The following DNAH11 variants were observed in gnomAD, a reference collection of about 807,000 sequenced individuals.
The protein encoded by DNAH11 is axonemal beta dynein heavy chain 11.
Under a neutral mutation model 526.0 loss-of-function variants are expected in DNAH11, and 442 were observed. The observed-to-expected ratio is 0.84, with a 90% CI of 0.78 to 0.91. The LOEUF is 0.91. Among genes scored for constraint, DNAH11 ranks in the 40% least tolerant of loss-of-function variants. The pLI is 0.00. For missense variants in DNAH11, 6,989 were observed against 5,448.7 expected (o/e 1.28, Z -8.90); for synonymous variants, 2,461 against 1,935.9 (o/e 1.27, Z -7.12).
chr7:21,885,169 T>TGTAAAAAAAA lies in DNAH11; in HGVS notation c.12507+759_12507+760insGTAAAAAAAA, dbSNP rs367811733. Among the ~76,000 whole-genome samples the TGTAAAAAAAA allele has an allele frequency of 3.0e-3, 265 of 89,378 alleles. 58 individuals are homozygous for TGTAAAAAAAA. The Middle Eastern group carries it at 0.053, about 18-fold the overall frequency. 58.6% of individuals were successfully genotyped at this position (89,378 alleles called of 152,430 possible). On this transcript the variant is annotated intron_variant, in intron 76 of 81. Coordinates refer to ENST00000409508, the MANE Select transcript of DNAH11 (RefSeq NM_001277115.2). ...TATTTGGATCTTGTTCCAAATGAAC[T>TGTAAAAAAAA]ATAAAAAAAAAAAAAAAAACACACA... is the stretch of plus-strand genomic sequence containing the variant.
At chr7:21,836,061 A>G (rs1353630238) in intron 65 of DNAH11, among the ~76,000 whole-genome samples, 1 of 152,134 alleles carries the variant, frequency 6.6e-6, no homozygotes, top group Non-Finnish European at 1.5e-5. Context: ...AAAAATCCTT[A>G]CAAAGAAAAC....
In DNAH11 at chr7:21,616,304, A is replaced by G; in HGVS notation, c.4095+12A>G. The G allele has an allele frequency of 6.2e-7, 1 of 1,604,426 alleles. No homozygotes were observed. Among genetic ancestry groups the G allele is most frequent in the East Asian group, 2.2e-5 (1 of 44,756 alleles). Reference sequence around the variant, plus strand: ...GAAGGTTTGCCAAGGCGAGTTCCATAACTGTCTATTACAACAATTTATCTT... The same window carrying G: ...GAAGGTTTGCCAAGGCGAGTTCCATGACTGTCTATTACAACAATTTATCTT... On this transcript the variant is annotated intron_variant, in intron 22 of 81. Coordinates refer to ENST00000409508, the MANE Select transcript of DNAH11 (RefSeq NM_001277115.2).
At chr7:21,808,131 G>A (rs999277360) in intron 63 of DNAH11, 82 bp downstream of exon 63, 9 of 1,156,828 alleles carry the variant, frequency 7.8e-6, no homozygotes, top group South Asian at 3.5e-5. Context: ...TATGCCAGGC[G>A]CTTTTGGACG....
intron 36 of DNAH11, among the ~76,000 whole-genome samples, chr7:21,701,506 TCTGGAACTCCTGGG>T (rs1191042522): frequency 6.6e-6 from 1 of 152,096 alleles, no homozygotes; most frequent in Non-Finnish European, 1.5e-5. Context: ...CCCAGGCTGG[TCTGGAACTCCTGGG>T]CTGAAGCAAT....
chr7:21,701,227 A>G (rs988184197), intron 36 of DNAH11, among the ~76,000 whole-genome samples: 2 of 151,390 alleles, frequency 1.3e-5, no homozygotes, highest in African/African-American at 4.9e-5. Flanking sequence ...TAATTCTTCT[A>G]TTGTGACTCA....
intron 4 of DNAH11, 29 bp downstream of exon 4, chr7:21,559,821 T>C: frequency 6.5e-7 from 1 of 1,544,352 alleles, no homozygotes; most frequent in Non-Finnish European, 8.8e-7. Context: ...AAATTATAAA[T>C]TAAATTAGCA....
chr7:21,831,039 A>G (rs1026789186), intron 65 of DNAH11, among the ~76,000 whole-genome samples: 2 of 152,220 alleles, frequency 1.3e-5, no homozygotes, highest in Middle Eastern at 3.4e-3. Flanking sequence ...GGAGATTCAC[A>G]CCCACTTGAC....
intron 65 of DNAH11, among the ~76,000 whole-genome samples, chr7:21,835,332 A>G (rs1018383027): frequency 3.3e-5 from 5 of 152,148 alleles, no homozygotes; most frequent in Non-Finnish European, 7.4e-5. Flanking sequence ...ATGGGCCAAT[A>G]TGCCTGATAA....
chr7:21,758,032 C>T (rs370292169), intron 54 of DNAH11, among the ~76,000 whole-genome samples: 2 of 152,202 alleles, frequency 1.3e-5, no homozygotes, highest in East Asian at 1.9e-4. Flanking sequence ...TCGACGGCTT[C>T]ATCCATGAGA....
At chr7:21,866,425 A>G in intron 70 of DNAH11, 45 bp from the exon 71 acceptor site, 1 of 1,537,626 alleles carries the variant, frequency 6.5e-7, no homozygotes. Context: ...CAAACTGTAA[A>G]GTATCGTTCA....
chr7:21,830,983 A>C (rs1790527963), intron 65 of DNAH11, among the ~76,000 whole-genome samples: 4 of 152,160 alleles, frequency 2.6e-5, no homozygotes, highest in Admixed American at 2.6e-4. Flanking sequence ...TCACTCCTGC[A>C]GAGGGATGTA....
intron 42 of DNAH11, among the ~76,000 whole-genome samples, chr7:21,716,384 A>G (rs191966251): frequency 2.6e-5 from 4 of 152,298 alleles, no homozygotes; most frequent in Admixed American, 2.6e-4. Flanking sequence ...TATACATGCA[A>G]ACTTACATAA....
chr7:21,617,302 T>C lies in DNAH11; in HGVS notation c.4096-317T>C, dbSNP rs140034624. Among the ~76,000 whole-genome samples the C allele has an allele frequency of 8.2e-3, 1,246 of 152,358 alleles. 16 individuals carry two copies. Among genetic ancestry groups the C allele is most frequent in the African/African-American group, 0.028 (1,149 of 41,580 alleles). On this transcript the variant is annotated intron_variant, in intron 22 of 81. Coordinates refer to ENST00000409508, the MANE Select transcript of DNAH11 (RefSeq NM_001277115.2). ...ATAACAGTCTGTTTCCATTTACTTA[T>C]GTTTATAGAAGAAACATTCTTCATT...
chr7:21,677,037 G>A (rs1782921133), intron 30 of DNAH11, among the ~76,000 whole-genome samples: 1 of 152,088 alleles, frequency 6.6e-6, no homozygotes, highest in South Asian at 2.1e-4. Flanking sequence ...TTGCCTTTGT[G>A]GAACATAAAA....
At chr7:21,750,876 T>C (rs573403478) in intron 54 of DNAH11, among the ~76,000 whole-genome samples, 151 of 152,204 alleles carry the variant, frequency 9.9e-4, no homozygotes, top group African/African-American at 3.5e-3. Flanking sequence ...GCCTGGAACA[T>C]AGAGTTCTTA....
At chr7:21,848,950 A>G (rs1195772886) in intron 66 of DNAH11, among the ~76,000 whole-genome samples, 3 of 152,166 alleles carry the variant, frequency 2.0e-5, no homozygotes, top group Non-Finnish European at 2.9e-5. Context: ...CAATGGCACA[A>G]TCTCGGCTCA....
intron 63 of DNAH11, among the ~76,000 whole-genome samples, chr7:21,814,563 T>A (rs914776600): frequency 7.3e-6 from 1 of 136,824 alleles, no homozygotes; most frequent in African/African-American, 2.7e-5. Context: ...CCCCTTCCTG[T>A]GTCCATGTGA....
intron 54 of DNAH11, among the ~76,000 whole-genome samples, chr7:21,759,790 C>G (rs1786815922): frequency 6.6e-6 from 1 of 152,116 alleles, no homozygotes; most frequent in Non-Finnish European, 1.5e-5. Flanking sequence ...ACGATGAGAT[C>G]TTATCTAAAA....
chr7:21,717,796 C>G lies in DNAH11; in HGVS notation c.7005C>G (p.Asp2335Glu), dbSNP rs1784721850. ...GWNPYVASWI[D>E]RRRHQSEKAN... is the part of the protein sequence containing the mutation. Reference sequence around the variant, plus strand: ...TCAGGTATGTGGCCAGTTGGATAGACAGAAGGCGGCATCAATCAGAAAAGG... The same window carrying G: ...TCAGGTATGTGGCCAGTTGGATAGAGAGAAGGCGGCATCAATCAGAAAAGG... The change falls in exon 43 of 82, where the codon GAC becomes GAG. Residue 2335 changes from aspartate (D) to glutamate (E), a missense_variant. Transcript: ENST00000409508. 1 of 1,613,772 alleles carries G rather than the reference C, an allele frequency of 6.2e-7. No individual in the cohort carries two copies. Among genetic ancestry groups the G allele is most frequent in the Non-Finnish European group, 8.5e-7 (1 of 1,179,790 alleles).
Sources: gnomAD v4.1 joint callset for allele counts (sites outside exome capture counted in the v4.1 genomes callset) on GRCh38, gnomAD v4.1.1 for gene constraint, MANE v1.5 for transcripts, NCBI Gene and HGNC (gene_info 2026-07-23, HGNC 2026-07-21) for gene names.